SYNGR3: variants seen among roughly 807,000 people sequenced by gnomAD.
SYNGR3 encodes the protein synaptogyrin 3, also known as synaptogyrin-3.
SYNGR3 carries 10 observed loss-of-function variants against 18.5 expected under a neutral mutation model. The ratio of observed to expected loss-of-function variants is 0.54; its 90% CI spans 0.33 to 0.92. SYNGR3 has a LOEUF of 0.92. Among genes scored for constraint, SYNGR3 ranks in the 40% least tolerant of loss-of-function variants. The pLI is 0.02. For missense variants in SYNGR3, 335 were observed against 332.8 expected, an observed-to-expected ratio of 1.01 and a Z score of -0.05; for synonymous variants, 188 against 157.2, an observed-to-expected ratio of 1.20 and a Z score of -1.47.
Position 1,989,990 on chromosome 16 carries a change from GT to G in SYNGR3, c.-111del. The G allele has an allele frequency of 3.2e-6, 1 of 311,596 alleles. No individual in the cohort carries two copies. Among genetic ancestry groups the G allele is most frequent in the Non-Finnish European group, 5.3e-6 (1 of 189,636 alleles). The allele number at this position is 311,596 out of a possible 1,614,324, so 19.3% of individuals were successfully genotyped here. On this transcript the variant is annotated 5_prime_UTR_variant, in exon 1 of 4. Transcript: ENST00000248121. ...CCCGGGAGGCGGCAGCGGCTGCAGC[GT>G]TGGTAGCATCAGCATCAGCATCAGC...
At chr16:1,991,359 C>T (rs2083603066) in intron 1 of SYNGR3, 1 of 152,838 alleles carries the variant, frequency 6.5e-6, no homozygotes, top group African/African-American at 2.4e-5. Flanking sequence ...TGAGCTGTGC[C>T]CGTCACCCTA....
In SYNGR3 at chr16:1,992,845, T is replaced by G. The variant is rs571920034; in HGVS notation, c.481-18T>G. The G allele has an allele frequency of 1.3e-6, 2 of 1,530,546 alleles. No individual in the cohort carries two copies. Among genetic ancestry groups the G allele is most frequent in the African/African-American group, 2.8e-5 (2 of 72,300 alleles). 94.8% of individuals were successfully genotyped at this position (1,530,546 alleles called of 1,614,324 possible). On this transcript the variant is annotated intron_variant, in intron 3 of 3. Transcript: ENST00000248121. ...CTCGGCTGATCCCGGCTGACCCCGC[T>G]GACCCCGCCCCGCGCAGGTGGCGCT...
chr16:1,992,317 T>C, intron 2 of SYNGR3, 106 bp downstream of exon 2: 1 of 682,170 alleles, frequency 1.5e-6, no homozygotes, highest in Non-Finnish European at 1.9e-6. Flanking sequence ...GGCGTGGCCG[T>C]GACGAGGGGC....
chr16:1,993,109 C>A lies in SYNGR3; in HGVS notation c.*37C>A. ...CACAGACCAGGGCTCCAAGGCCACCCCACCAACGCAGGCCCCAGGGTCTCC... is the reference window on the plus strand; with the variant it reads ...CACAGACCAGGGCTCCAAGGCCACCACACCAACGCAGGCCCCAGGGTCTCC... On this transcript the variant is annotated 3_prime_UTR_variant, in exon 4 of 4. Coordinates refer to ENST00000248121, the MANE Select transcript of SYNGR3 (RefSeq NM_004209.6). 6.3e-7 allele frequency: 1 copy of A among 1,580,952 alleles called. No homozygotes were observed. Among genetic ancestry groups the A allele is most frequent in the East Asian group, 2.4e-5 (1 of 42,434 alleles).
At position 1,992,121 on chromosome 16, in the gene SYNGR3, G is replaced by T. The variant is rs1001739073; in HGVS notation, c.247G>T (p.Ala83Ser). Residue 83 changes from alanine (A) to serine (S), a missense_variant, in exon 2 of 4, where the codon GCC becomes TCC. Transcript: ENST00000248121. ...GGGCCTCGGAGCCTTCCTCGCCTGC[G>T]CCGCCTTCCTGCTGCTCGATGTGCG... ...ALGLGAFLAC[A>S]AFLLLDVRFQ... 1 of 1,550,758 alleles carries T rather than the reference G, an allele frequency of 6.4e-7. No homozygotes were observed. Among genetic ancestry groups the T allele is most frequent in the Non-Finnish European group, 8.7e-7 (1 of 1,150,640 alleles).
Position 1,990,089 on chromosome 16 carries a change from C to G in SYNGR3, c.-14C>G. On this transcript the variant is annotated 5_prime_UTR_variant, in exon 1 of 4. Transcript: ENST00000248121. ...CAGAAGGCGCCAGGGGCGCGCGTCC[C>G]GCCCGGGCCGGCCATGGAGGGCGCC... 8.4e-7 allele frequency: 1 copy of G among 1,186,512 alleles called. No homozygotes were observed. Among genetic ancestry groups the G allele is most frequent in the Middle Eastern group, 3.3e-4 (1 of 3,006 alleles). The allele number at this position is 1,186,512 out of a possible 1,614,324, so 73.5% of individuals were successfully genotyped here.
rs1470209763 is a variant in SYNGR3, at chr16:1,993,717, G to A, written c.*645G>A. ...CCCTGCCCAGGTGTGGGTGGTTCTG[G>A]CCAGGAAGGCACAAGGTAGCTGTGG... On this transcript the variant is annotated 3_prime_UTR_variant, in exon 4 of 4. Transcript: ENST00000248121. The A allele has an allele frequency of 4.9e-6, 2 of 405,084 alleles. No homozygotes were observed. The highest frequency in any genetic ancestry group is 1.0e-5 in the Non-Finnish European group (2 of 199,086). The allele number at this position is 405,084 out of a possible 1,614,324, so 25.1% of individuals were successfully genotyped here.
At chr16:1,991,885 C>G in intron 1 of SYNGR3, 89 bp from the exon 2 acceptor site, 8 of 1,159,930 alleles carry the variant, frequency 6.9e-6, no homozygotes, top group Non-Finnish European at 8.3e-6. Flanking sequence ...GGCCTGGGAA[C>G]GCAGGGACAG....
Position 1,993,768 on chromosome 16 carries a change from C to T in SYNGR3, c.*696C>T. ...GCCAAGACACCAGCCCTGTCCTAGCCCTTCAGTAAGACCTTGCCAGGAGAG... is the reference window on the plus strand; with the variant it reads ...GCCAAGACACCAGCCCTGTCCTAGCTCTTCAGTAAGACCTTGCCAGGAGAG... On this transcript the variant is annotated 3_prime_UTR_variant, in exon 4 of 4. Transcript: ENST00000248121. 2.7e-6 allele frequency: 1 copy of T among 364,086 alleles called. No individual in the cohort carries two copies. The highest frequency in any genetic ancestry group is 2.0e-5 in the South Asian group (1 of 49,664). 22.6% of individuals were successfully genotyped at this position (364,086 alleles called of 1,614,324 possible).
Position 1,992,033 on chromosome 16 carries a change from C to A in SYNGR3, c.159C>A (p.Ser53Arg). ...IVNEGYVNTDSGPELRCVFNG... is the reference protein window; with the variant it reads ...IVNEGYVNTDRGPELRCVFNG... Reference sequence around the variant, plus strand: ...ACGAGGGCTACGTGAACACCGACAGCGGCCCCGAGCTGCGCTGCGTGTTCA... The same window carrying A: ...ACGAGGGCTACGTGAACACCGACAGAGGCCCCGAGCTGCGCTGCGTGTTCA... Residue 53 changes from serine (S) to arginine (R), a missense_variant, in exon 2 of 4, where the codon AGC (serine) becomes AGA (arginine). Coordinates refer to ENST00000248121, the MANE Select transcript of SYNGR3 (RefSeq NM_004209.6). 1.9e-6 allele frequency: 3 copies of A among 1,582,704 alleles called. No individual in the cohort carries two copies. Among genetic ancestry groups the A allele is most frequent in the East Asian group, 2.3e-5 (1 of 42,936 alleles).
At position 1,992,094 on chromosome 16, in the gene SYNGR3, C is replaced by G. The variant is rs768393505; in HGVS notation, c.220C>G (p.Leu74Val). The G allele has an allele frequency of 1.9e-6, 3 of 1,576,536 alleles. No individual in the cohort carries two copies. The highest frequency in any genetic ancestry group is 3.5e-5 in the Admixed American group (2 of 56,552). The change falls in exon 2 of 4, where the codon CTG becomes GTG. Residue 74 changes from leucine (L) to valine (V), a missense_variant. By Grantham distance (32) the Leu-to-Val change is conservative. Transcript: ENST00000248121. Reference protein sequence around the residue: ...NAGACRFGVALGLGAFLACAA... With the variant: ...NAGACRFGVAVGLGAFLACAA... ...GGGCGCCTGCCGCTTCGGCGTCGCG[C>G]TGGGCCTCGGAGCCTTCCTCGCCTG...
chr16:1,993,825 G>T lies in SYNGR3; in HGVS notation c.*753G>T. The stretch of plus-strand genomic sequence containing the variant: ...GATGCCTGGGTGCCAGGCAAGACAA[G>T]CCCCTCAGCAGGAGAGAGGCCCAGA... On this transcript the variant is annotated 3_prime_UTR_variant, in exon 4 of 4. Coordinates refer to ENST00000248121, the MANE Select transcript of SYNGR3 (RefSeq NM_004209.6). The T allele has an allele frequency of 2.9e-6, 1 of 340,790 alleles. No homozygotes were observed. Among genetic ancestry groups the T allele is most frequent in the Admixed American group, 3.9e-5 (1 of 25,542 alleles). The allele number at this position is 340,790 out of a possible 1,614,324, so 21.1% of individuals were successfully genotyped here. A position where few individuals can be genotyped will look rare whatever the true frequency, so the allele number is the denominator to read the frequency against.
At position 1,992,619 on chromosome 16, in the gene SYNGR3, C is replaced by A. The variant is rs1374931649; in HGVS notation, c.338-17C>A. The A allele has an allele frequency of 6.3e-7, 1 of 1,595,328 alleles. No homozygotes were observed. The highest frequency in any genetic ancestry group is 8.5e-7 in the Non-Finnish European group (1 of 1,174,034). ...CACCGCGTGGAGCGTCGCCCTGACG[C>A]GCCGCACTGTTCGCAGGACTCTGGT... On this transcript the variant is annotated splice_polypyrimidine_tract_variant and intron_variant, in intron 2 of 3. Coordinates refer to ENST00000248121, the MANE Select transcript of SYNGR3 (RefSeq NM_004209.6).
rs1297085771 is a variant in SYNGR3 at position 1,990,064 on chromosome 16, C to G, written c.-39C>G. 2.0e-6 allele frequency: 2 copies of G among 978,888 alleles called. No homozygotes were observed. The highest frequency in any genetic ancestry group is 1.3e-6 in the Non-Finnish European group (1 of 770,896). The allele number at this position is 978,888 out of a possible 1,614,324, so 60.6% of individuals were successfully genotyped here. A position where few individuals can be genotyped will look rare whatever the true frequency, so the allele number is the denominator to read the frequency against. On this transcript the variant is annotated 5_prime_UTR_variant, in exon 1 of 4. Coordinates refer to ENST00000248121, the MANE Select transcript of SYNGR3 (RefSeq NM_004209.6). ...GGGGCCGGCCGGACGGACAGGCGGA[C>G]AGAAGGCGCCAGGGGCGCGCGTCCC... is the stretch of plus-strand genomic sequence containing the variant.
In SYNGR3 at chr16:1,994,044, G is replaced by T. The variant is rs2150899847; in HGVS notation, c.*972G>T. Reference sequence around the variant, plus strand: ...TTCACATTAAGTCAACACCAAACGTGGTTGCCACATTTCATCAGACAGACA... The same window carrying T: ...TTCACATTAAGTCAACACCAAACGTTGTTGCCACATTTCATCAGACAGACA... On this transcript the variant is annotated 3_prime_UTR_variant, in exon 4 of 4. Coordinates refer to ENST00000248121, the MANE Select transcript of SYNGR3 (RefSeq NM_004209.6). 6.1e-6 allele frequency: 1 copy of T among 163,604 alleles called. No homozygotes were observed. The highest frequency in any genetic ancestry group is 1.6e-4 in the South Asian group (1 of 6,298). 10.1% of individuals were successfully genotyped at this position (163,604 alleles called of 1,614,324 possible).
At chr16:1,990,567 G>A (rs975122586) in intron 1 of SYNGR3, 1 of 443,732 alleles carries the variant, frequency 2.3e-6, no homozygotes, top group Non-Finnish European at 4.5e-6. Context: ...ATTCTCCGAG[G>A]GGCAGGAGGG....
At chr16:1,991,942 C>T in intron 1 of SYNGR3, 32 bp from the exon 2 acceptor site, 1 of 1,557,958 alleles carries the variant, frequency 6.4e-7, no homozygotes, top group Non-Finnish European at 8.7e-7. Context: ...GGTCGGGTCG[C>T]CGCAGGGCCC....
chr16:1,991,031 TC>T (rs144888776), intron 1 of SYNGR3: 22,448 of 152,554 alleles, frequency 0.15, 2,088 homozygotes, highest in South Asian at 0.3. Context: ...TGTCCCGGCT[TC>T]CCCCTTGGCT....
rs1368684409 is a variant in SYNGR3 at position 1,992,757 on chromosome 16, C to T, written c.459C>T (p.Ser153=). ...CGGCGCGGGCCGCCATCGCCTTCAG[C>T]TTCTTCTCCATCCTCAGCTGGGTGA... ...GDAARAAIAF[S]FFSILSWVAL... is the part of the protein sequence containing the mutation. Residue 153 remains serine, a synonymous_variant, in exon 3 of 4, where the codon AGC becomes AGT. Transcript: ENST00000248121. 10 of 1,576,636 alleles carry T rather than the reference C, an allele frequency of 6.3e-6. No individual in the cohort carries two copies. Among genetic ancestry groups the T allele is most frequent in the Non-Finnish European group, 8.6e-7 (1 of 1,165,304 alleles).
Sources: allele counts gnomAD v4.1 joint callset, GRCh38; gene constraint gnomAD v4.1.1; transcripts MANE v1.5; gene names NCBI Gene and HGNC (gene_info 2026-07-23, HGNC 2026-07-21).